Variants in RPH3A observed in about 807,000 individuals in gnomAD.
The protein encoded by RPH3A is rabphilin-3A.
In RPH3A, 48 loss-of-function variants were observed where a neutral mutation model predicts 102.2. That is an observed-to-expected ratio of 0.47 (90% CI 0.37 to 0.60). RPH3A has a LOEUF of 0.60. Ranked by LOEUF, RPH3A falls within the 20% of genes least tolerant of loss-of-function variation. RPH3A has a pLI of 0.00. For synonymous variants in RPH3A, 310 were observed against 324.3 expected (o/e 0.96, Z 0.47); for missense variants, 781 against 910.1 (o/e 0.86, Z 1.83).
At chr12:112,659,813 G>A (rs1011437079) in intron 1 of RPH3A, among the ~76,000 whole-genome samples, 3 of 152,060 alleles carry the variant, frequency 2.0e-5, no homozygotes, top group African/African-American at 7.2e-5. Context: ...GCTCTTTCAC[G>A]CTGACTCCTA....
chr12:112,853,961 T>C (rs926531234), intron 5 of RPH3A, among the ~76,000 whole-genome samples: 6 of 152,214 alleles, frequency 3.9e-5, no homozygotes, highest in Non-Finnish European at 7.3e-5. Context: ...AAGATGCTTA[T>C]CAAATCACTT....
intron 1 of RPH3A, among the ~76,000 whole-genome samples, chr12:112,632,432 T>C (rs2039813671): frequency 6.6e-6 from 1 of 152,158 alleles, no homozygotes; most frequent in Admixed American, 6.6e-5. Context: ...CTCCCTTTTA[T>C]AAGAGCAATT....
At chr12:112,801,859 T>C (rs937393826) in intron 2 of RPH3A, among the ~76,000 whole-genome samples, 1 of 152,238 alleles carries the variant, frequency 6.6e-6, no homozygotes, top group Non-Finnish European at 1.5e-5. Flanking sequence ...TGCTTGTATA[T>C]GTCCCTTCAA....
At chr12:112,626,492 A>G (rs1293946472) in intron 1 of RPH3A, among the ~76,000 whole-genome samples, 90 of 104,600 alleles carry the variant, frequency 8.6e-4, no homozygotes, top group Non-Finnish European at 1.3e-3. Flanking sequence ...AGAAATGCAA[A>G]TCAAAACCAC....
chr12:112,815,028 C>T (rs1026274528), intron 2 of RPH3A, among the ~76,000 whole-genome samples: 1 of 152,152 alleles, frequency 6.6e-6, no homozygotes, highest in African/African-American at 2.4e-5. Context: ...AGAGAAAGGG[C>T]CGGATGGAGA....
intron 19 of RPH3A, among the ~76,000 whole-genome samples, chr12:112,892,190 G>T (rs1323193701): frequency 6.6e-6 from 1 of 152,212 alleles, no homozygotes; most frequent in Non-Finnish European, 1.5e-5. Flanking sequence ...CTCTAGCTAT[G>T]TGACCTGGGG....
At chr12:112,628,226 T>C (rs2039779564) in intron 1 of RPH3A, among the ~76,000 whole-genome samples, 1 of 151,848 alleles carries the variant, frequency 6.6e-6, no homozygotes, top group Admixed American at 6.6e-5. Context: ...GAGTGAGGCA[T>C]GTTAATAATG....
chr12:112,743,582 G>C (rs1327188641), intron 1 of RPH3A, among the ~76,000 whole-genome samples: 3 of 152,168 alleles, frequency 2.0e-5, no homozygotes, highest in Non-Finnish European at 4.4e-5. Context: ...AATCGCACAG[G>C]GTAGGCGCTC....
intron 1 of RPH3A, among the ~76,000 whole-genome samples, chr12:112,648,596 A>AAAAAAAAAT (rs1225826500): frequency 7.1e-6 from 1 of 140,800 alleles, no homozygotes; most frequent in Non-Finnish European, 1.5e-5. Context: ...AAAAAAAAAA[A>AAAAAAAAAT]AAGCTAGGTG....
At chr12:112,725,263 A>C (rs1219866266) in intron 1 of RPH3A, among the ~76,000 whole-genome samples, 14 of 150,274 alleles carry the variant, frequency 9.3e-5, no homozygotes, top group Middle Eastern at 6.9e-3. Flanking sequence ...AAAAAAAAAA[A>C]AAAAAAAAAA....
chr12:112,705,634 A>AT (rs1243216760), intron 1 of RPH3A, among the ~76,000 whole-genome samples: 3 of 152,148 alleles, frequency 2.0e-5, no homozygotes, highest in Non-Finnish European at 4.4e-5. Flanking sequence ...TTAAAAATTA[A>AT]TTTTTTTAAT....
At chr12:112,659,685 C>T (rs1227258420) in intron 1 of RPH3A, among the ~76,000 whole-genome samples, 11 of 152,162 alleles carry the variant, frequency 7.2e-5, no homozygotes. Flanking sequence ...CCTCATCTAA[C>T]TTTATCTTTC....
At chr12:112,894,700 C>T (rs1565949452) in intron 20 of RPH3A, 41 bp downstream of exon 20, 2 of 1,584,768 alleles carry the variant, frequency 1.3e-6, no homozygotes, top group South Asian at 1.1e-5. Context: ...GGGATATTTG[C>T]TGTGTGTTAG....
intron 4 of RPH3A, among the ~76,000 whole-genome samples, chr12:112,846,471 C>T (rs1320978613): frequency 1.3e-5 from 2 of 152,224 alleles, no homozygotes; most frequent in Non-Finnish European, 2.9e-5. Context: ...TCAAACTCTT[C>T]CTTCTCTGCT....
intron 1 of RPH3A, among the ~76,000 whole-genome samples, chr12:112,718,824 AG>A (rs1199274001): frequency 2.0e-5 from 3 of 152,246 alleles, no homozygotes; most frequent in Non-Finnish European, 4.4e-5. Context: ...GAAGGAGAGC[AG>A]GAATTGATTG....
chr12:112,677,442 C>T (rs886215281), intron 1 of RPH3A, among the ~76,000 whole-genome samples: 39 of 123,742 alleles, frequency 3.2e-4, no homozygotes, highest in Non-Finnish European at 5.4e-4. Flanking sequence ...TCCTTCCTTC[C>T]TTCCTTCCTT....
At chr12:112,895,360 C>G (rs1338961639) in intron 20 of RPH3A, 1 of 158,460 alleles carries the variant, frequency 6.3e-6, no homozygotes, top group Admixed American at 6.2e-5. Flanking sequence ...TCTCAGCCTC[C>G]CAAAGTGCTG....
intron 1 of RPH3A, among the ~76,000 whole-genome samples, chr12:112,706,301 C>T (rs991367916): frequency 6.6e-6 from 1 of 152,140 alleles, no homozygotes; most frequent in African/African-American, 2.4e-5. Context: ...ATAAATACCC[C>T]AGCTTCTCAA....
chr12:112,790,224 T>C (rs1441013323), upstream of RPH3A, among the ~76,000 whole-genome samples: 1 of 151,976 alleles, frequency 6.6e-6, no homozygotes, highest in African/African-American at 2.4e-5. Flanking sequence ...GCCCAGCTAT[T>C]TTTTTGTATT....
Sources: gnomAD v4.1 joint callset for allele counts (sites outside exome capture counted in the v4.1 genomes callset) on GRCh38, gnomAD v4.1.1 for gene constraint, MANE v1.5 for transcripts, NCBI Gene and HGNC (gene_info 2026-07-23, HGNC 2026-07-21) for gene names.